ZNF215: variants seen among roughly 807,000 people sequenced by gnomAD.
ZNF215 encodes BWSCR2-associated zinc finger protein 2.
In ZNF215, 24 loss-of-function variants were observed where a neutral mutation model predicts 27.2. The ratio of observed to expected loss-of-function variants is 0.88; its 90% CI spans 0.64 to 1.24. The LOEUF is 1.24. Among genes scored for constraint, ZNF215 ranks in the 50% most tolerant of loss-of-function variants. The pLI is 0.00. For missense variants in ZNF215, 675 were observed against 605.7 expected (o/e 1.11, Z -1.20); for synonymous variants, 210 against 204.0 (o/e 1.03, Z -0.25).
At chr11:6,952,430 C>T (rs1449474734) in intron 6 of ZNF215, among the ~76,000 whole-genome samples, 2 of 152,060 alleles carry the variant, frequency 1.3e-5, no homozygotes, top group South Asian at 4.1e-4. Context: ...GTATTGGGTG[C>T]ATATATATTT....
intron 6 of ZNF215, among the ~76,000 whole-genome samples, chr11:6,945,337 T>C (rs1849781659): frequency 6.6e-6 from 1 of 152,200 alleles, no homozygotes. Flanking sequence ...TAAACTTTTC[T>C]GGTCGTTACT....
In ZNF215 at chr11:6,943,656, G is replaced by A; in HGVS notation, c.712+15G>A. On this transcript the variant is annotated intron_variant, in intron 6 of 6. Coordinates refer to ENST00000278319, the MANE Select transcript of ZNF215 (RefSeq NM_013250.4). ...GACTATTTTTGGTAAGAACCAGGTAGATATGAGGCCATAGTAAGAAGCTTC... is the reference window on the plus strand; with the variant it reads ...GACTATTTTTGGTAAGAACCAGGTAAATATGAGGCCATAGTAAGAAGCTTC... The A allele has an allele frequency of 6.4e-7, 1 of 1,571,632 alleles. No individual in the cohort carries two copies. Among genetic ancestry groups the A allele is most frequent in the Non-Finnish European group, 8.8e-7 (1 of 1,142,634 alleles).
chr11:6,979,006 T>A (rs1378535586), intron 5 of ZNF215, among the ~76,000 whole-genome samples: 1 of 152,046 alleles, frequency 6.6e-6, no homozygotes, highest in Non-Finnish European at 1.5e-5. Flanking sequence ...CTCACTATTA[T>A]AATAAAATTA....
At chr11:6,933,563 A>G (rs1048359601) in intron 3 of ZNF215, among the ~76,000 whole-genome samples, 7 of 151,972 alleles carry the variant, frequency 4.6e-5, no homozygotes, top group Non-Finnish European at 8.8e-5. Flanking sequence ...CGAGGCGGGC[A>G]GATCACGAGG....
At chr11:6,936,374 C>T (rs1849434876) in intron 3 of ZNF215, among the ~76,000 whole-genome samples, 1 of 152,024 alleles carries the variant, frequency 6.6e-6, no homozygotes, top group South Asian at 2.1e-4. Context: ...TAAATGCCAA[C>T]AAATTAGATG....
rs766685632 is a variant in ZNF215 at position 6,955,897 on chromosome 11, A to C, written c.920A>C (p.Lys307Thr). The change falls in exon 7 of 7, where the codon AAG (lysine) becomes ACG (threonine). Residue 307 changes from lysine (K) to threonine (T), a missense_variant. Lys to Thr is a moderately conservative substitution (Grantham distance 78, BLOSUM62 -1). Coordinates refer to ENST00000278319, the MANE Select transcript of ZNF215 (RefSeq NM_013250.4). The part of the protein sequence containing the change: ...EEEDFECSEN[K>T]KSFDINSVSS... ...GAAGATTTTGAATGTAGTGAAAATA[A>C]GAAAAGCTTTGATATTAATTCAGTT... 2.5e-6 allele frequency: 4 copies of C among 1,610,640 alleles called. No homozygotes were observed. Among genetic ancestry groups the C allele is most frequent in the Non-Finnish European group, 2.5e-6 (3 of 1,179,134 alleles).
chr11:6,962,770 A>G (rs2857887), downstream of ZNF215, among the ~76,000 whole-genome samples: 30,715 of 151,964 alleles, frequency 0.2, 3,415 homozygotes, highest in Non-Finnish European at 0.25. Context: ...AATGGACAGT[A>G]ATTTTTCTTG....
chr11:6,943,694 A>C (rs1261115801), intron 6 of ZNF215, 53 bp downstream of exon 6: 6 of 1,368,760 alleles, frequency 4.4e-6, no homozygotes, highest in Non-Finnish European at 6.2e-6. Context: ...TTTCCTAAAC[A>C]TACAGACAAT....
chr11:6,969,298 T>C (rs1850678285), intron 5 of ZNF215, among the ~76,000 whole-genome samples: 1 of 152,210 alleles, frequency 6.6e-6, no homozygotes, highest in Admixed American at 6.5e-5. Flanking sequence ...TTGCAATTTC[T>C]GTTTACTTTC....
intron 6 of ZNF215, among the ~76,000 whole-genome samples, chr11:6,950,853 G>T (rs374986284): frequency 0.17 from 23,587 of 142,452 alleles, 2,168 homozygotes; most frequent in Middle Eastern, 0.22. Flanking sequence ...CATTCAGTAT[G>T]ATATTGGCTG....
rs1231798766 is a variant in ZNF215 at position 6,956,030 on chromosome 11, A to C, written c.1053A>C (p.Gln351His). 6.2e-7 allele frequency: 1 copy of C among 1,609,240 alleles called. No homozygotes were observed. Among genetic ancestry groups the C allele is most frequent in the South Asian group, 1.1e-5 (1 of 89,656 alleles). Reference sequence around the variant, plus strand: ...TTAATTTAGACTCAGTAGGTAAGCAACATTCAGAATATGAATATGGGAATG... The same window carrying C: ...TTAATTTAGACTCAGTAGGTAAGCACCATTCAGAATATGAATATGGGAATG... ...FKFNLDSVGK[Q>H]HSEYEYGNDL... Residue 351 changes from glutamine to histidine, a missense_variant, in exon 7 of 7, where the codon CAA (glutamine) becomes CAC (histidine). Transcript: ENST00000278319.
chr11:6,966,981 C>T lies in ZNF215; in HGVS notation c.805+11199C>T, dbSNP rs1850634652. Among the ~76,000 whole-genome samples the T allele has an allele frequency of 2.0e-5, 3 of 151,984 alleles. No individual in the cohort carries two copies. In the South Asian group the frequency reaches 6.2e-4, roughly 32 times the overall value. On this transcript the variant is annotated intron_variant, in intron 5 of 5. Transcript: ENST00000529903. ...CCTGATTCCCCTACCCACCGACAGG[C>T]CCTGGTGTATGATGTTCCCCTCCCT...
chr11:6,978,981 A>G (rs981606762), intron 5 of ZNF215, among the ~76,000 whole-genome samples: 1 of 152,014 alleles, frequency 6.6e-6, no homozygotes, highest in Non-Finnish European at 1.5e-5. Context: ...TTGCTGCCTA[A>G]CAGCAGCACT....
At chr11:6,943,358 T>G in intron 5 of ZNF215, 143 bp downstream of exon 5, 1 of 1,317,994 alleles carries the variant, frequency 7.6e-7, no homozygotes, top group South Asian at 1.5e-5. Flanking sequence ...TAGCAGATTT[T>G]CTGACTCATC....
chr11:6,940,070 A>AT (rs1849582313), intron 3 of ZNF215, among the ~76,000 whole-genome samples: 1 of 151,244 alleles, frequency 6.6e-6, no homozygotes, highest in Non-Finnish European at 1.5e-5. Flanking sequence ...AGAAAAAAAA[A>AT]GAAAAAAAAA....
At chr11:6,990,380 C>A (rs1299429524), downstream of ZNF215, among the ~76,000 whole-genome samples, 1 of 152,122 alleles carries the variant, frequency 6.6e-6, no homozygotes, top group East Asian at 1.9e-4. Context: ...ATACACAGAG[C>A]TGTGTATGGA....
rs1850372718 is a variant in ZNF215 at position 6,956,658 on chromosome 11, T to C, written c.*127T>C. On this transcript the variant is annotated 3_prime_UTR_variant, in exon 7 of 7. Coordinates refer to ENST00000278319, the MANE Select transcript of ZNF215 (RefSeq NM_013250.4). ...ATTTGTCAGATTTTTCTTTAAATGA[T>C]ATCACAGAATTAATGTTGGATAGAA... 3 of 1,402,338 alleles carry C rather than the reference T, an allele frequency of 2.1e-6. No homozygotes were observed. In the East Asian group the frequency reaches 7.7e-5, roughly 36 times the overall value. The allele number at this position is 1,402,338 out of a possible 1,614,324, so 86.9% of individuals were successfully genotyped here.
At chr11:6,945,518 G>T (rs1849787226) in intron 6 of ZNF215, among the ~76,000 whole-genome samples, 1 of 152,116 alleles carries the variant, frequency 6.6e-6, no homozygotes, top group Non-Finnish European at 1.5e-5. Flanking sequence ...ACATTCACCT[G>T]AAACAGTTGT....
intron 6 of ZNF215, among the ~76,000 whole-genome samples, chr11:6,950,730 C>T (rs1218095962): frequency 6.6e-6 from 1 of 150,600 alleles, no homozygotes; most frequent in Non-Finnish European, 1.5e-5. Flanking sequence ...TTATTTCCTT[C>T]TCCTGCCTGA....
Sources: gnomAD v4.1 joint callset for allele counts (sites outside exome capture counted in the v4.1 genomes callset) on GRCh38, gnomAD v4.1.1 for gene constraint, MANE v1.5 for transcripts, NCBI Gene and HGNC (gene_info 2026-07-23, HGNC 2026-07-21) for gene names.